THRAP3: variants seen among roughly 807,000 people sequenced by gnomAD.
THRAP3 encodes the protein thyroid hormone receptor associated protein 3, also known as thyroid hormone receptor-associated protein 3.
Under a neutral mutation model 101.0 loss-of-function variants are expected in THRAP3, and 16 were observed. The ratio of observed to expected loss-of-function variants is 0.16; its 90% CI spans 0.11 to 0.24. THRAP3 has a LOEUF of 0.24. Among genes scored for constraint, THRAP3 ranks in the 10% least tolerant of loss-of-function variants. The pLI is 1.00. For synonymous variants in THRAP3, 407 were observed against 422.6 expected (o/e 0.96, Z 0.45); for missense variants, 989 against 1,202.7 (o/e 0.82, Z 2.63).
chr1:36,286,301 G>A lies in THRAP3; in HGVS notation c.138-67G>A. 2 of 1,475,142 alleles carry A rather than the reference G, an allele frequency of 1.4e-6. No homozygotes were observed. The highest frequency in any genetic ancestry group is 1.8e-6 in the Non-Finnish European group (2 of 1,096,510). The allele number at this position is 1,475,142 out of a possible 1,614,324, so 91.4% of individuals were successfully genotyped here. ...ACATAAGGGCAGGGATTTCAGAACA[G>A]ATTTTTCTTGAATAAAAATGCTTGT... On this transcript the variant is annotated intron_variant, in intron 3 of 11. Coordinates refer to ENST00000354618, the MANE Select transcript of THRAP3 (RefSeq NM_005119.4). This position sits in a 1 kb window ranked among gnomAD's most constrained non-coding sequence, Gnocchi z 5.5.
chr1:36,266,222 G>A (rs1355610041), intron 2 of THRAP3, among the ~76,000 whole-genome samples: 3 of 151,708 alleles, frequency 2.0e-5, no homozygotes, highest in African/African-American at 7.3e-5. Flanking sequence ...AGGAGGCTGA[G>A]GTGGGAGGAT....
chr1:36,240,597 C>T (rs572211068), intron 1 of THRAP3, among the ~76,000 whole-genome samples: 2 of 152,196 alleles, frequency 1.3e-5, no homozygotes, highest in Non-Finnish European at 2.9e-5. Context: ...CCCTCACAGA[C>T]GTACCCAGGA....
chr1:36,287,243 C>T lies in THRAP3; in HGVS notation c.1013C>T (p.Ala338Val), dbSNP rs532099670. 6.6e-5 allele frequency: 107 copies of T among 1,611,898 alleles called. No individual in the cohort carries two copies. The Middle Eastern group carries it at 1.0e-3, about 15-fold the overall frequency. ...YGSSQKEESA[A>V]SGGAAYTKRY... ...TCATCTCAGAAGGAGGAGAGTGCTG[C>T]TTCAGGAGGAGCAGCCTATACAAAG... Residue 338 changes from alanine (A) to valine (V), a missense_variant, in exon 4 of 12, where the codon GCT becomes GTT. Physicochemically the swap from Ala to Val is moderately conservative, Grantham distance 64. Transcript: ENST00000354618.
intron 1 of THRAP3, among the ~76,000 whole-genome samples, chr1:36,232,699 C>A (rs1301446190): frequency 1.3e-5 from 2 of 152,130 alleles, no homozygotes; most frequent in African/African-American, 4.8e-5. Context: ...GAAGTGCTCC[C>A]ATTGTCAAGT....
intron 1 of THRAP3, among the ~76,000 whole-genome samples, chr1:36,248,447 C>CT (rs35044035): frequency 4.1e-4 from 46 of 112,256 alleles, no homozygotes; most frequent in African/African-American, 1.2e-3. Context: ...GCCTCAGCCT[C>CT]TTTTTTTTTT....
chr1:36,235,774 TA>T (rs1318472068), intron 1 of THRAP3, among the ~76,000 whole-genome samples: 2 of 152,170 alleles, frequency 1.3e-5, no homozygotes, highest in Non-Finnish European at 2.9e-5. Context: ...ATTACAGTAT[TA>T]TTTATGTAAG....
At position 36,286,745 on chromosome 1, in the gene THRAP3, C is replaced by T. The variant is rs1007345143; in HGVS notation, c.515C>T (p.Ser172Phe). The change falls in exon 4 of 12, where the codon TCT (serine) becomes TTT (phenylalanine). Residue 172 changes from serine to phenylalanine, a missense_variant. Coordinates refer to ENST00000354618, the MANE Select transcript of THRAP3 (RefSeq NM_005119.4). This position sits in a 1 kb window ranked among gnomAD's most constrained non-coding sequence, Gnocchi z 5.5. The stretch of plus-strand genomic sequence containing the variant: ...TCCAACCATAGCCGAGTTGAATCTT[C>T]TAAGCGCAAGTCTGCAAAGGAGAAA... ...SSSNHSRVES[S>F]KRKSAKEKKS... The T allele has an allele frequency of 1.2e-6, 2 of 1,614,116 alleles. No individual in the cohort carries two copies. The highest frequency in any genetic ancestry group is 2.7e-5 in the African/African-American group (2 of 74,952).
intron 9 of THRAP3, among the ~76,000 whole-genome samples, chr1:36,297,444 A>ATTT (rs764365723): frequency 3.4e-4 from 42 of 122,372 alleles, no homozygotes; most frequent in Non-Finnish European, 4.6e-4. Context: ...GCTGGCAAGC[A>ATTT]TTTTTTTTTT....
At chr1:36,259,168 A>AGG (rs1449097994) in intron 1 of THRAP3, among the ~76,000 whole-genome samples, 1 of 152,228 alleles carries the variant, frequency 6.6e-6, no homozygotes, top group Non-Finnish European at 1.5e-5. Flanking sequence ...GGTTACAGTA[A>AGG]GGAAGGCTTT....
chr1:36,297,916 G>A (rs1217339474), intron 9 of THRAP3, among the ~76,000 whole-genome samples: 1 of 151,072 alleles, frequency 6.6e-6, no homozygotes, highest in Non-Finnish European at 1.5e-5. Context: ...GGAGGCCGAG[G>A]CAGGAAGATC....
At chr1:36,288,085 C>G in intron 4 of THRAP3, 1 of 984,562 alleles carries the variant, frequency 1.0e-6, no homozygotes, top group Non-Finnish European at 1.2e-6. Context: ...ATTAAGCTTT[C>G]TGCATTAATG....
intron 2 of THRAP3, among the ~76,000 whole-genome samples, chr1:36,270,418 C>T (rs1366828328): frequency 6.6e-6 from 1 of 152,038 alleles, no homozygotes; most frequent in Non-Finnish European, 1.5e-5. Context: ...CACAGGCACA[C>T]GCACACGCAC....
chr1:36,221,828 A>G (rs1378338464), upstream of THRAP3, among the ~76,000 whole-genome samples: 9 of 111,440 alleles, frequency 8.1e-5, no homozygotes, highest in Admixed American at 7.7e-4. Context: ...TTTTTTTTTG[A>G]GACGGAGTTT....
At position 36,267,922 on chromosome 1, in the gene THRAP3, G is replaced by A. The variant is rs1402846471; in HGVS notation, c.-32+8438G>A. Among the ~76,000 whole-genome samples the A allele has an allele frequency of 8.1e-5, 4 of 49,670 alleles. 2 individuals carry two copies. Among genetic ancestry groups the A allele is most frequent in the Non-Finnish European group, 2.6e-4 (4 of 15,482 alleles). 32.6% of individuals were successfully genotyped at this position (49,670 alleles called of 152,430 possible). ...AGGCCGGGCACGGTGACTCACGCCTGTAATCCTAGTACTTTGGGAGGCCGA... is the reference window on the plus strand; with the variant it reads ...AGGCCGGGCACGGTGACTCACGCCTATAATCCTAGTACTTTGGGAGGCCGA... On this transcript the variant is annotated intron_variant, in intron 2 of 11. Transcript: ENST00000354618.
At chr1:36,233,890 CCTT>C (rs1645056934) in intron 1 of THRAP3, among the ~76,000 whole-genome samples, 1 of 152,224 alleles carries the variant, frequency 6.6e-6, no homozygotes. Flanking sequence ...TTGTCCTCCT[CCTT>C]CAATCAGAAC....
chr1:36,296,233 C>G (rs996300902), intron 8 of THRAP3, among the ~76,000 whole-genome samples: 3 of 152,094 alleles, frequency 2.0e-5, no homozygotes, highest in Non-Finnish European at 4.4e-5. Flanking sequence ...CTCGGCCTCC[C>G]AAAGTTCTGG....
rs1553124853 is a variant in THRAP3, at chr1:36,292,260, G to GTTTTTT, written c.1919-335_1919-334insTTTTTT. On this transcript the variant is annotated intron_variant, in intron 6 of 11. Transcript: ENST00000354618. Reference sequence around the variant, plus strand: ...CTTTGGTAACATAATGTGTTTCTTTGTTTCTTTTTTTTTTTTTTTTTTTTT... The same window carrying GTTTTTT: ...CTTTGGTAACATAATGTGTTTCTTTGTTTTTTTTTCTTTTTTTTTTTTTTTTTTTTT... Among the ~76,000 whole-genome samples the GTTTTTT allele has an allele frequency of 5.3e-4, 7 of 13,102 alleles. 2 individuals are homozygous for GTTTTTT. Among genetic ancestry groups the GTTTTTT allele is most frequent in the Non-Finnish European group, 1.3e-3 (7 of 5,374 alleles). 8.6% of individuals were successfully genotyped at this position (13,102 alleles called of 152,430 possible). A position where few individuals can be genotyped will look rare whatever the true frequency, so the allele number is the denominator to read the frequency against.
intron 1 of THRAP3, among the ~76,000 whole-genome samples, chr1:36,231,790 C>G (rs1373644936): frequency 6.6e-6 from 1 of 152,158 alleles, no homozygotes; most frequent in Non-Finnish European, 1.5e-5. Context: ...CCCAGTTTAT[C>G]TAAAGACTAT....
intron 1 of THRAP3, among the ~76,000 whole-genome samples, chr1:36,247,958 C>T (rs1401567968): frequency 6.6e-6 from 1 of 150,626 alleles, no homozygotes. Flanking sequence ...TGGCTCACTG[C>T]AACCTCCACC....
Sources: allele counts gnomAD v4.1 joint callset (sites outside exome capture counted in the v4.1 genomes callset), GRCh38; gene constraint gnomAD v4.1.1; non-coding constraint Gnocchi (gnomAD v3.1); transcripts MANE v1.5; gene names NCBI Gene and HGNC (gene_info 2026-07-23, HGNC 2026-07-21).